Variants in EPHB1 observed in about 807,000 individuals in gnomAD.
EPHB1 encodes ephrin type-B receptor 1.
A neutral mutation model predicts 94.4 loss-of-function variants in EPHB1; 30 were observed. The observed-to-expected ratio is 0.32, with a 90% CI of 0.24 to 0.43. The LOEUF (loss-of-function observed/expected upper bound fraction) is 0.43, where lower values mean the gene tolerates loss of function less well. EPHB1 is among the 20% of genes least tolerant of loss of function. The probability of loss-of-function intolerance (pLI) is 1.00; values close to 1 mark genes in which losing one functional copy is unlikely to be tolerated. For synonymous variants in EPHB1, 522 were observed against 489.1 expected (o/e 1.07, Z -0.89); for missense variants, 1,055 against 1,308.3 (o/e 0.81, Z 2.99).
chr3:134,953,873 G>C (rs769876667), intron 3 of EPHB1, among the ~76,000 whole-genome samples: 2 of 152,234 alleles, frequency 1.3e-5, no homozygotes, highest in Non-Finnish European at 2.9e-5. Context: ...GAGAGGGCCT[G>C]TGAGGACAAA....
At chr3:134,807,410 G>A (rs73227043) in intron 1 of EPHB1, among the ~76,000 whole-genome samples, 1 of 152,020 alleles carries the variant, frequency 6.6e-6, no homozygotes, top group Non-Finnish European at 1.5e-5. Context: ...GACTCTGATG[G>A]ATGCGGTATA....
chr3:134,923,200 G>A (rs909263636), intron 1 of EPHB1, among the ~76,000 whole-genome samples: 3 of 152,170 alleles, frequency 2.0e-5, no homozygotes, highest in African/African-American at 4.8e-5. Flanking sequence ...GACTCAATCC[G>A]AACACAAACT....
At chr3:135,017,984 C>T (rs1301410044) in intron 3 of EPHB1, among the ~76,000 whole-genome samples, 4 of 151,990 alleles carry the variant, frequency 2.6e-5, no homozygotes, top group African/African-American at 7.2e-5. Flanking sequence ...CAGGCACATG[C>T]ACCATGCCTG....
At chr3:134,803,747 T>C (rs917952685) in intron 1 of EPHB1, among the ~76,000 whole-genome samples, 1 of 152,238 alleles carries the variant, frequency 6.6e-6, no homozygotes, top group Non-Finnish European at 1.5e-5. Flanking sequence ...AACCAAAGTT[T>C]GCCAAACTCC....
At chr3:135,126,185 A>C (rs1940198728) in intron 4 of EPHB1, among the ~76,000 whole-genome samples, 1 of 152,190 alleles carries the variant, frequency 6.6e-6, no homozygotes, top group African/African-American at 2.4e-5. Context: ...TTGATATTGA[A>C]GTACATATTC....
intron 3 of EPHB1, among the ~76,000 whole-genome samples, chr3:135,017,156 G>A (rs1024704609): frequency 2.0e-5 from 3 of 152,212 alleles, no homozygotes; most frequent in African/African-American, 7.2e-5. Flanking sequence ...AGCTCTGTGT[G>A]CAAGTGCAGG....
intron 3 of EPHB1, among the ~76,000 whole-genome samples, chr3:134,977,409 C>T (rs960168420): frequency 1.1e-4 from 17 of 152,210 alleles, no homozygotes; most frequent in Non-Finnish European, 2.1e-4. Flanking sequence ...CAGACTCCCC[C>T]GCAAATACCT....
chr3:134,824,674 A>C (rs2036443809), intron 1 of EPHB1, among the ~76,000 whole-genome samples: 1 of 152,168 alleles, frequency 6.6e-6, no homozygotes, highest in South Asian at 2.1e-4. Context: ...TTTTAAAGCT[A>C]GGTCAGAAGC....
rs151226641 is a variant in EPHB1, at chr3:135,104,915, T to A, written c.806-1533T>A. Among the ~76,000 whole-genome samples, 551 of 152,372 alleles carry A rather than the reference T, an allele frequency of 3.6e-3. 3 individuals are homozygous for A. The highest frequency in any genetic ancestry group is 0.029 in the South Asian group (139 of 4,830). On this transcript the variant is annotated intron_variant, in intron 3 of 15. Coordinates refer to ENST00000398015, the MANE Select transcript of EPHB1 (RefSeq NM_004441.5). Reference sequence around the variant, plus strand: ...CATAGGAAACAATTCTTTCTTCTTGTCTTAGCAGAAAAGCAGTGGATATTT... The same window carrying A: ...CATAGGAAACAATTCTTTCTTCTTGACTTAGCAGAAAAGCAGTGGATATTT...
intron 3 of EPHB1, among the ~76,000 whole-genome samples, chr3:135,095,138 G>T (rs1938710967): frequency 6.6e-6 from 1 of 152,118 alleles, no homozygotes; most frequent in Non-Finnish European, 1.5e-5. Flanking sequence ...ATAGGGACAG[G>T]GAGCCCACTG....
Position 135,132,935 on chromosome 3 carries a change from A to G in EPHB1, c.1183A>G (p.Ser395Gly), listed in dbSNP as rs1477595628. The G allele has an allele frequency of 3.1e-6, 5 of 1,613,888 alleles. No individual in the cohort carries two copies. Among genetic ancestry groups the G allele is most frequent in the Non-Finnish European group, 4.2e-6 (5 of 1,179,898 alleles). Reference sequence around the variant, plus strand: ...GACGGAGTGCCGCGTCTCCATCAGCAGCCTGTGGGCCCACACCCCCTACAC... The same window carrying G: ...GACGGAGTGCCGCGTCTCCATCAGCGGCCTGTGGGCCCACACCCCCTACAC... Reference protein sequence around the residue: ...GLTECRVSISSLWAHTPYTFD... With the variant: ...GLTECRVSISGLWAHTPYTFD... Residue 395 changes from serine (S) to glycine (G), a missense_variant, in exon 5 of 16, where the codon AGC becomes GGC. Coordinates refer to ENST00000398015, the MANE Select transcript of EPHB1 (RefSeq NM_004441.5).
chr3:135,153,748 C>G (rs963829950), intron 5 of EPHB1, among the ~76,000 whole-genome samples: 6 of 152,232 alleles, frequency 3.9e-5, no homozygotes, highest in African/African-American at 1.4e-4. Context: ...AGGTTCTCAT[C>G]TCTGCAATAG....
At chr3:134,995,746 A>G (rs112029955) in intron 3 of EPHB1, among the ~76,000 whole-genome samples, 15 of 149,090 alleles carry the variant, frequency 1.0e-4, no homozygotes, top group African/African-American at 3.5e-4. Context: ...TGTTTCTTAC[A>G]AACCTAAACA....
intron 12 of EPHB1, among the ~76,000 whole-genome samples, chr3:135,224,506 G>T (rs1287727187): frequency 1.3e-5 from 2 of 152,112 alleles, no homozygotes; most frequent in African/African-American, 2.4e-5. Context: ...CCTGGTCAAG[G>T]TTTTGTCCAA....
At chr3:135,207,005 TG>T (rs1942917694) in intron 12 of EPHB1, among the ~76,000 whole-genome samples, 1 of 152,242 alleles carries the variant, frequency 6.6e-6, no homozygotes, top group African/African-American at 2.4e-5. Context: ...CACATATACA[TG>T]TATACTCACA....
intron 1 of EPHB1, among the ~76,000 whole-genome samples, chr3:134,889,449 T>A (rs73217030): frequency 3.3e-5 from 5 of 152,144 alleles, no homozygotes; most frequent in African/African-American, 1.2e-4. Context: ...CAAGCACTGT[T>A]GTGCAGAAAC....
Position 134,951,898 on chromosome 3 carries a change from T to A in EPHB1, c.651T>A (p.Ser217=), listed in dbSNP as rs754672779. 6.2e-7 allele frequency: 1 copy of A among 1,614,046 alleles called. No individual in the cohort carries two copies. The highest frequency in any genetic ancestry group is 8.5e-7 in the Non-Finnish European group (1 of 1,179,902). The change falls in exon 3 of 16, where the codon TCT becomes TCA. Residue 217 remains serine, a synonymous_variant. Coordinates refer to ENST00000398015, the MANE Select transcript of EPHB1 (RefSeq NM_004441.5). This position sits in a 1 kb window ranked among gnomAD's most constrained non-coding sequence, Gnocchi z 4.5. ...CTATGACAGGGGCAGAGAGCACATC[T>A]CTGGTGATTGCTCGGGGCACATGCA... is the stretch of plus-strand genomic sequence containing the variant. ...PETMTGAEST[S]LVIARGTCIP... is the part of the protein sequence containing the mutation.
chr3:135,141,145 CTTTTTTT>C (rs59743607), intron 5 of EPHB1, among the ~76,000 whole-genome samples: 4 of 131,280 alleles, frequency 3.0e-5, no homozygotes, highest in Non-Finnish European at 4.9e-5. Flanking sequence ...CTTTCCTTTC[CTTTTTTT>C]TTTTTTTTTT....
chr3:135,028,354 A>G lies in EPHB1; in HGVS notation c.805+76302A>G, dbSNP rs890919622. Reference sequence around the variant, plus strand: ...TTTGATCTCTCCTGCTTTCTCTTGTAGGCATTTAGTGCTATAAATTTCCCT... The same window carrying G: ...TTTGATCTCTCCTGCTTTCTCTTGTGGGCATTTAGTGCTATAAATTTCCCT... On this transcript the variant is annotated intron_variant, in intron 3 of 15. Coordinates refer to ENST00000398015, the MANE Select transcript of EPHB1 (RefSeq NM_004441.5). Among the ~76,000 whole-genome samples, 157 of 140,480 alleles carry G rather than the reference A, an allele frequency of 1.1e-3. 2 individuals carry two copies. Among genetic ancestry groups the G allele is most frequent in the Middle Eastern group, 0.011 (3 of 284 alleles). The allele number at this position is 140,480 out of a possible 152,430, so 92.2% of individuals were successfully genotyped here. A position where few individuals can be genotyped will look rare whatever the true frequency, so the allele number is the denominator to read the frequency against.
Sources: gnomAD v4.1 joint callset for allele counts (sites outside exome capture counted in the v4.1 genomes callset) on GRCh38, gnomAD v4.1.1 for gene constraint, Gnocchi (gnomAD v3.1) non-coding constraint, MANE v1.5 for transcripts, NCBI Gene and HGNC (gene_info 2026-07-23, HGNC 2026-07-21) for gene names.